COXFA4L3: variants seen among roughly 807,000 people sequenced by gnomAD.
COXFA4L3 encodes cytochrome c oxidase associated subunit FA4L3.
At chr15:45,431,225 C>T in the COXFA4L3 span, 2 of 556,302 alleles carry the variant, frequency 3.6e-6, no homozygotes, top group Non-Finnish European at 6.2e-6. Context: ...TAAAAAGCAT[C>T]TTTTATCAGA....
the COXFA4L3 span, chr15:45,433,155 G>C: frequency 2.1e-4 from 189 of 901,380 alleles, 1 homozygote; most frequent in Non-Finnish European, 9.4e-6. Flanking sequence ...TTGGGCTCTG[G>C]ATAAGGAATT....
At chr15:45,432,650 G>A in the COXFA4L3 span, among the ~76,000 whole-genome samples, 3 of 152,284 alleles carry the variant, frequency 2.0e-5, no homozygotes, top group East Asian at 5.8e-4. Context: ...GGGCAACACA[G>A]CAAGACTGTC....
the COXFA4L3 span, among the ~76,000 whole-genome samples, chr15:45,432,627 T>TG: frequency 1.3e-5 from 2 of 152,190 alleles, no homozygotes; most frequent in Non-Finnish European, 2.9e-5. Context: ...GTTGTGCCAC[T>TG]GCACTCCAGC....
the COXFA4L3 span, chr15:45,433,053 A>T: frequency 1.1e-5 from 17 of 1,568,116 alleles, no homozygotes. Context: ...AGTACTCTAT[A>T]AATCTAGTGG....
At chr15:45,431,997 A>G in the COXFA4L3 span, 1 of 1,304,102 alleles carries the variant, frequency 7.7e-7, no homozygotes, top group African/African-American at 1.5e-5. Flanking sequence ...TGTCCCTAAC[A>G]TGTTTATAAA....
chr15:45,430,836 A>C, the COXFA4L3 span: 1 of 1,607,486 alleles, frequency 6.2e-7, no homozygotes. Flanking sequence ...GAAGGAAGTA[A>C]GTTTTAAAAA....
At chr15:45,430,965 T>C in the COXFA4L3 span, 1 of 1,589,262 alleles carries the variant, frequency 6.3e-7, no homozygotes. Context: ...CATATTGAAG[T>C]GTCCAAATGT....
the COXFA4L3 span, chr15:45,431,293 GAA>G: frequency 2.4e-6 from 1 of 422,094 alleles, no homozygotes; most frequent in South Asian, 5.7e-5. Flanking sequence ...AAAAAAAAAA[GAA>G]AAAATTTAAA....
the COXFA4L3 span, chr15:45,432,237 A>G: frequency 1.1e-6 from 1 of 886,794 alleles, no homozygotes. Flanking sequence ...ACTTAGATCA[A>G]TTGTGCCTTC....
the COXFA4L3 span, chr15:45,432,043 A>G: frequency 6.2e-7 from 1 of 1,600,060 alleles, no homozygotes; most frequent in South Asian, 1.1e-5. Context: ...CACATCTTTT[A>G]ATGTTTAATT....
the COXFA4L3 span, chr15:45,430,990 T>C: frequency 6.2e-7 from 1 of 1,612,944 alleles, no homozygotes; most frequent in Non-Finnish European, 8.5e-7. Context: ...CCTCCACCTG[T>C]TATTTGTTAG....
chr15:45,430,833 G>A, the COXFA4L3 span: 2 of 1,594,454 alleles, frequency 1.3e-6, no homozygotes, highest in Non-Finnish European at 1.7e-6. Flanking sequence ...AAGGAAGGAA[G>A]TAAGTTTTAA....
At chr15:45,433,235 T>C in the COXFA4L3 span, 2 of 502,096 alleles carry the variant, frequency 4.0e-6, no homozygotes, top group Admixed American at 7.1e-5. Context: ...GAATATTGCA[T>C]ATTGAAATTT....
the COXFA4L3 span, chr15:45,431,045 C>A: frequency 1.9e-6 from 3 of 1,614,016 alleles, no homozygotes; most frequent in Non-Finnish European, 2.5e-6. Context: ...CGGGTGGAGC[C>A]TCATCTTTCG....
At chr15:45,433,018 G>T in the COXFA4L3 span, 2 of 1,612,288 alleles carry the variant, frequency 1.2e-6, no homozygotes, top group Non-Finnish European at 1.7e-6. Context: ...ACCAAATGAC[G>T]AGCCCTCGCC....
At chr15:45,430,708 G>A in the COXFA4L3 span, 1 of 1,320,368 alleles carries the variant, frequency 7.6e-7, no homozygotes, top group Non-Finnish European at 1.1e-6. Context: ...GTTGGCCTGC[G>A]GAGCGCGGTG....
the COXFA4L3 span, chr15:45,430,741 G>A: frequency 1.9e-6 from 3 of 1,568,600 alleles, no homozygotes; most frequent in Non-Finnish European, 1.7e-6. Context: ...CCCACCAGGC[G>A]ATCAATACTT....
At chr15:45,433,282 C>A in the COXFA4L3 span, 1 of 356,700 alleles carries the variant, frequency 2.8e-6, no homozygotes, top group Non-Finnish European at 5.3e-6. Flanking sequence ...TTAAAATTTA[C>A]AAAGCTTTGT....
the COXFA4L3 span, among the ~76,000 whole-genome samples, chr15:45,432,687 G>A: frequency 6.6e-6 from 1 of 152,190 alleles, no homozygotes; most frequent in Admixed American, 6.5e-5. Flanking sequence ...ATACTGCTAA[G>A]TGAAAGTAGG....
Sources: allele counts gnomAD v4.1 joint callset (sites outside exome capture counted in the v4.1 genomes callset), GRCh38; gene constraint gnomAD v4.1.1; transcripts MANE v1.5; gene names NCBI Gene and HGNC (gene_info 2026-07-23, HGNC 2026-07-21).